EVL: variants seen among roughly 807,000 people sequenced by gnomAD.
EVL encodes the protein Enah/Vasp-like, also known as ena/VASP-like protein.
In EVL, 21 loss-of-function variants were observed where a neutral mutation model predicts 59.6. The ratio of observed to expected loss-of-function variants is 0.35; its 90% CI spans 0.25 to 0.51. EVL has a LOEUF of 0.51. Ranked by LOEUF, EVL falls within the 20% of genes least tolerant of loss-of-function variation. The pLI is 0.97. For missense variants in EVL, 462 were observed against 546.6 expected (o/e 0.85, Z 1.54); for synonymous variants, 198 against 203.5 (o/e 0.97, Z 0.23).
At chr14:100,033,648 G>A (rs986747937) in intron 1 of EVL, among the ~76,000 whole-genome samples, 17 of 152,190 alleles carry the variant, frequency 1.1e-4, no homozygotes, top group African/African-American at 3.4e-4. Flanking sequence ...TACTGAACTT[G>A]ACTATGATCA....
intron 3 of EVL, among the ~76,000 whole-genome samples, chr14:100,117,369 G>A (rs149477456): frequency 9.8e-5 from 15 of 152,292 alleles, no homozygotes; most frequent in Admixed American, 3.9e-4. Context: ...CTCCGCCAGG[G>A]GGCTCCGAGC....
At chr14:100,111,943 C>T (rs1887020968) in intron 3 of EVL, among the ~76,000 whole-genome samples, 1 of 152,222 alleles carries the variant, frequency 6.6e-6, no homozygotes, top group Non-Finnish European at 1.5e-5. Flanking sequence ...AGCCCCCCAG[C>T]TTTCTAAACT....
At chr14:100,067,593 G>T (rs1043808859) in intron 1 of EVL, among the ~76,000 whole-genome samples, 6 of 152,186 alleles carry the variant, frequency 3.9e-5, no homozygotes, top group African/African-American at 1.4e-4. Flanking sequence ...ACAGGTGTGG[G>T]CCACCACACC....
intron 11 of EVL, 57 bp from the exon 12 acceptor site, chr14:100,141,123 C>T: frequency 1.3e-6 from 2 of 1,579,886 alleles, no homozygotes; most frequent in South Asian, 2.3e-5. Flanking sequence ...TCTGCACAGC[C>T]AGCTTTCCCC....
chr14:100,139,511 C>T lies in EVL; in HGVS notation c.1095-1669C>T, dbSNP rs1230519377. The stretch of plus-strand genomic sequence containing the variant: ...TGTTGCTGGAACAGGGTCTGGAACC[C>T]ACAGGAGAGGCCTGAAGGACCCAGG... On this transcript the variant is annotated intron_variant, in intron 11 of 13. Coordinates refer to ENST00000392920, the MANE Select transcript of EVL (RefSeq NM_016337.3). 8 of 152,270 alleles carry T rather than the reference C, an allele frequency of 5.3e-5. No homozygotes were observed. The East Asian group carries it at 1.5e-3, about 29-fold the overall frequency. The allele number at this position is 152,270 out of a possible 1,614,324, so 9.4% of individuals were successfully genotyped here.
At chr14:99,998,554 A>C (rs2060927746) in intron 1 of EVL, among the ~76,000 whole-genome samples, 1 of 152,242 alleles carries the variant, frequency 6.6e-6, no homozygotes, top group Admixed American at 6.5e-5. Flanking sequence ...CTAGTTTTGT[A>C]AAAATCATAC....
intron 1 of EVL, among the ~76,000 whole-genome samples, chr14:100,083,522 A>G (rs1400909758): frequency 6.6e-6 from 1 of 152,008 alleles, no homozygotes; most frequent in East Asian, 1.9e-4. Flanking sequence ...GATGTTAAAG[A>G]TTATTAGGTT....
chr14:100,137,880 T>C (rs750115368), intron 11 of EVL, 78 bp downstream of exon 11: 11 of 1,402,754 alleles, frequency 7.8e-6, no homozygotes, highest in Non-Finnish European at 1.0e-5. Flanking sequence ...CTAACACCCT[T>C]GCACGCTGTC....
chr14:100,054,657 C>T (rs956324159), intron 1 of EVL, among the ~76,000 whole-genome samples: 2 of 152,112 alleles, frequency 1.3e-5, no homozygotes, highest in Non-Finnish European at 2.9e-5. Context: ...ATCGTGCCTG[C>T]CTTGCCTTCT....
intron 1 of EVL, among the ~76,000 whole-genome samples, chr14:100,001,353 A>G (rs1595554543): frequency 6.6e-6 from 1 of 152,240 alleles, no homozygotes; most frequent in South Asian, 2.1e-4. Context: ...AGCCCAAACT[A>G]TAGAAAATAA....
intron 2 of EVL, 199 bp downstream of exon 2, chr14:100,085,054 CTT>C: frequency 1.8e-6 from 1 of 544,294 alleles, no homozygotes; most frequent in African/African-American, 1.9e-5. Flanking sequence ...CTGGATTTCA[CTT>C]TTTACCTATG....
intron 1 of EVL, among the ~76,000 whole-genome samples, chr14:100,066,985 A>C (rs2061942892): frequency 6.6e-6 from 1 of 152,228 alleles, no homozygotes; most frequent in Non-Finnish European, 1.5e-5. Flanking sequence ...TCTGAAGATT[A>C]CACTAATCTA....
intron 9 of EVL, among the ~76,000 whole-genome samples, chr14:100,136,693 G>A (rs1240729610): frequency 6.6e-6 from 1 of 152,148 alleles, no homozygotes; most frequent in Non-Finnish European, 1.5e-5. Context: ...GCCTCCCTGT[G>A]AAACTGCACG....
chr14:100,125,315 C>T (rs1265185377), intron 4 of EVL, among the ~76,000 whole-genome samples: 1 of 152,070 alleles, frequency 6.6e-6, no homozygotes, highest in East Asian at 1.9e-4. Flanking sequence ...TCTCGCTTGT[C>T]CCACGCAACT....
In EVL at chr14:100,127,714, C is replaced by T. The variant is rs984681302; in HGVS notation, c.488-805C>T. Among the ~76,000 whole-genome samples the T allele has an allele frequency of 8.5e-5, 13 of 152,234 alleles. No individual in the cohort carries two copies. The highest frequency in any genetic ancestry group is 1.5e-5 in the Non-Finnish European group (1 of 68,048). Reference sequence around the variant, plus strand: ...TCCGGTCGTGTCCCAGCTCCACAGTCACTTCCGTGAGGACGTCATGGAGGA... The same window carrying T: ...TCCGGTCGTGTCCCAGCTCCACAGTTACTTCCGTGAGGACGTCATGGAGGA... On this transcript the variant is annotated intron_variant, in intron 5 of 13. Transcript: ENST00000392920. This position sits in a 1 kb window ranked among gnomAD's most constrained non-coding sequence, Gnocchi z 4.2.
In EVL at chr14:100,132,799, C is replaced by T; in HGVS notation, c.900+20C>T. ...CAAATGGTGAGCAAGCAGCCCGCCCCACCCTCAGGCTCCCCACTGAGATGA... is the reference window on the plus strand; with the variant it reads ...CAAATGGTGAGCAAGCAGCCCGCCCTACCCTCAGGCTCCCCACTGAGATGA... On this transcript the variant is annotated intron_variant, in intron 8 of 13. Coordinates refer to ENST00000392920, the MANE Select transcript of EVL (RefSeq NM_016337.3). 12 of 1,613,646 alleles carry T rather than the reference C, an allele frequency of 7.4e-6. No homozygotes were observed. The highest frequency in any genetic ancestry group is 2.2e-5 in the South Asian group (2 of 91,066).
At chr14:100,076,749 T>A (rs536574997) in intron 1 of EVL, among the ~76,000 whole-genome samples, 2 of 152,142 alleles carry the variant, frequency 1.3e-5, no homozygotes, top group Admixed American at 1.3e-4. Context: ...GGGTGGAGTG[T>A]TAGGGGCCTG....
intron 1 of EVL, among the ~76,000 whole-genome samples, chr14:99,987,810 GAAAT>G (rs1303805959): frequency 6.6e-6 from 1 of 151,294 alleles, no homozygotes; most frequent in African/African-American, 2.4e-5. Flanking sequence ...AGAACTGTGA[GAAAT>G]AAATATTGTT....
intron 1 of EVL, among the ~76,000 whole-genome samples, chr14:100,055,341 A>G (rs61984484): frequency 0.14 from 21,147 of 152,010 alleles, 2,039 homozygotes; most frequent in African/African-American, 0.28. Context: ...CTATTGTACC[A>G]TGTGTCAGTA....
Sources: allele counts gnomAD v4.1 joint callset (sites outside exome capture counted in the v4.1 genomes callset), GRCh38; gene constraint gnomAD v4.1.1; non-coding constraint Gnocchi (gnomAD v3.1); transcripts MANE v1.5; gene names NCBI Gene and HGNC (gene_info 2026-07-23, HGNC 2026-07-21).